Variants in GRAMD4 observed in about 807,000 individuals in gnomAD.
The protein encoded by GRAMD4 is GRAM domain-containing protein 4.
GRAMD4 carries 25 observed loss-of-function variants against 83.9 expected under a neutral mutation model. The observed-to-expected ratio is 0.30, with a 90% confidence interval of 0.22 to 0.42. The LOEUF is 0.42. GRAMD4 is among the 10% of genes least tolerant of loss of function. The probability of loss-of-function intolerance (pLI) is 1.00; values close to 1 mark genes in which losing one functional copy is unlikely to be tolerated. For missense variants in GRAMD4, 593 were observed against 788.7 expected, an observed-to-expected ratio of 0.75 and a Z score of 2.97; for synonymous variants, 336 against 320.9, an observed-to-expected ratio of 1.05 and a Z score of -0.50.
At chr22:46,586,518 C>T (rs2081151591) in intron 1 of GRAMD4, among the ~76,000 whole-genome samples, 1 of 152,140 alleles carries the variant, frequency 6.6e-6, no homozygotes, top group African/African-American at 2.4e-5. Flanking sequence ...ATTCCACCTG[C>T]TTCCTTAGAC....
intron 2 of GRAMD4, among the ~76,000 whole-genome samples, chr22:46,630,901 C>T (rs761989972): frequency 2.7e-4 from 24 of 89,726 alleles, no homozygotes; most frequent in Non-Finnish European, 5.2e-4. Flanking sequence ...CCGGCCTCCG[C>T]AGTGTGCCCT....
intron 2 of GRAMD4, among the ~76,000 whole-genome samples, chr22:46,632,486 C>T (rs561031141): frequency 1.2e-4 from 19 of 152,336 alleles, no homozygotes; most frequent in African/African-American, 3.1e-4. Context: ...ATAGTGACAG[C>T]GCCACAGCCT....
At chr22:46,623,233 T>C (rs1012398504) in intron 1 of GRAMD4, among the ~76,000 whole-genome samples, 1 of 152,192 alleles carries the variant, frequency 6.6e-6, no homozygotes, top group East Asian at 1.9e-4. Flanking sequence ...TCTTGATGGA[T>C]GGTGTGTGAC....
In GRAMD4 at chr22:46,620,628, C is replaced by A; in HGVS notation, c.-50+63C>A. On this transcript the variant is annotated intron_variant, in intron 1 of 18. Coordinates refer to ENST00000406902, the MANE Select transcript of GRAMD4 (RefSeq NM_015124.5). This position sits in a 1 kb window ranked among gnomAD's most constrained non-coding sequence, Gnocchi z 4.7. ...GGGCCCATCTGAGTGGAAGCCCCAG[C>A]CTTGGGAAAAGCTGCTACTCTCTGG... 3.2e-6 allele frequency: 2 copies of A among 623,524 alleles called. No homozygotes were observed. The highest frequency in any genetic ancestry group is 7.0e-5 in the South Asian group (1 of 14,328). 38.6% of individuals were successfully genotyped at this position (623,524 alleles called of 1,614,324 possible).
At chr22:46,607,205 A>AG (rs569194023) in intron 1 of GRAMD4, among the ~76,000 whole-genome samples, 79 of 108,988 alleles carry the variant, frequency 7.2e-4, no homozygotes, top group African/African-American at 2.1e-3. Context: ...GTCTTTAAAA[A>AG]GGGGGGGGTC....
chr22:46,668,790 T>A lies in GRAMD4; in HGVS notation c.975-9T>A. The A allele has an allele frequency of 7.3e-7, 1 of 1,371,634 alleles. No homozygotes were observed. The highest frequency in any genetic ancestry group is 2.0e-4 in the Middle Eastern group (1 of 4,972). The allele number at this position is 1,371,634 out of a possible 1,614,324, so 85.0% of individuals were successfully genotyped here. A position where few individuals can be genotyped will look rare whatever the true frequency, so the allele number is the denominator to read the frequency against. ...GCCCGCCCGGCCTGAGCCTCCCGTC[T>A]CCTTCCAGCTTGTTCATGTGGGTCC... On this transcript the variant is annotated splice_polypyrimidine_tract_variant and intron_variant, in intron 12 of 18. Coordinates refer to ENST00000406902, the MANE Select transcript of GRAMD4 (RefSeq NM_015124.5).
chr22:46,672,121 G>T lies in GRAMD4; in HGVS notation c.1085-722G>T, dbSNP rs922150193. Among the ~76,000 whole-genome samples the T allele has an allele frequency of 5.9e-5, 9 of 152,236 alleles. No homozygotes were observed. Among genetic ancestry groups the T allele is most frequent in the South Asian group, 2.1e-4 (1 of 4,830 alleles). On this transcript the variant is annotated intron_variant, in intron 13 of 18. Transcript: ENST00000406902. This position sits in a 1 kb window ranked among gnomAD's most constrained non-coding sequence, Gnocchi z 4.7. ...ACTCCTGACAGCTTTTGCTGCCCAG[G>T]GGGGTGCGTTAGCAGGTGTGTGGGG...
At chr22:46,670,949 A>G (rs1601680299) in intron 13 of GRAMD4, 1 of 275,276 alleles carries the variant, frequency 3.6e-6, no homozygotes, top group African/African-American at 2.2e-5. Context: ...GGTTCTCACA[A>G]CCACCCTGAG....
chr22:46,666,827 G>A lies in GRAMD4; in HGVS notation c.812G>A (p.Gly271Glu). The change falls in exon 10 of 19, where the codon GGG becomes GAG. Residue 271 changes from glycine to glutamate, a missense_variant and splice_region_variant. By Grantham distance (98) the Gly-to-Glu change is moderately conservative. This residue lies in a region of GRAMD4 where 36 missense variants were observed against 85.8 expected (regional missense o/e 0.42). Coordinates refer to ENST00000406902, the MANE Select transcript of GRAMD4 (RefSeq NM_015124.5). ...RLSLNYLIAR[G>E]WRIQWSIVPE... is the part of the protein sequence containing the mutation. ...TGTGTGTGTTTTCTGTTCGCCAGGG[G>A]GTGGCGGATACAGTGGAGCATCGTG... is the stretch of plus-strand genomic sequence containing the variant. 6.2e-7 allele frequency: 1 copy of A among 1,610,654 alleles called. No homozygotes were observed. Among genetic ancestry groups the A allele is most frequent in the Non-Finnish European group, 8.5e-7 (1 of 1,178,240 alleles).
intron 1 of GRAMD4, among the ~76,000 whole-genome samples, chr22:46,624,836 C>T (rs936575321): frequency 5.9e-5 from 9 of 151,828 alleles, no homozygotes; most frequent in South Asian, 2.1e-4. Flanking sequence ...GACAGCTCCC[C>T]GTAGAGCCTG....
At chr22:46,603,511 T>TGA (rs1477778960) in intron 1 of GRAMD4, among the ~76,000 whole-genome samples, 2 of 118,120 alleles carry the variant, frequency 1.7e-5, no homozygotes, top group African/African-American at 6.6e-5. Flanking sequence ...GCCCGGCCTC[T>TGA]TCTCTTTTTT....
At chr22:46,580,882 G>C (rs1287331601) in intron 1 of GRAMD4, among the ~76,000 whole-genome samples, 1 of 149,600 alleles carries the variant, frequency 6.7e-6, no homozygotes, top group Admixed American at 6.8e-5. Flanking sequence ...CAGGAGAATC[G>C]CTTGAACCCG....
Position 46,661,421 on chromosome 22 carries a change from G to A in GRAMD4, c.445G>A (p.Ala149Thr). ...QMAQQPPKGQ[A>T]QASNGAERRS... ...GGCTCAGCAGCCCCCAAAAGGGCAGGCCCAGGCCAGCAATGGAGCAGGTAC... is the reference window on the plus strand; with the variant it reads ...GGCTCAGCAGCCCCCAAAAGGGCAGACCCAGGCCAGCAATGGAGCAGGTAC... Residue 149 changes from alanine (A) to threonine (T), a missense_variant, in exon 5 of 19, where the codon GCC becomes ACC. Physicochemically the swap from Ala to Thr is moderately conservative, Grantham distance 58. Around this residue, in one of 4 missense-constraint regions of GRAMD4, gnomAD observed 312 missense variants for 350.7 expected, o/e 0.89. Coordinates refer to ENST00000406902, the MANE Select transcript of GRAMD4 (RefSeq NM_015124.5). 5 of 1,611,432 alleles carry A rather than the reference G, an allele frequency of 3.1e-6. No homozygotes were observed. The highest frequency in any genetic ancestry group is 1.3e-5 in the African/African-American group (1 of 75,034).
chr22:46,618,189 C>G, upstream of GRAMD4, among the ~76,000 whole-genome samples: 1 of 152,168 alleles, frequency 6.6e-6, no homozygotes. The surrounding 1 kb of genome is among the most constrained non-coding windows in gnomAD (Gnocchi z 5.8). Flanking sequence ...CAGAGGGAGA[C>G]TCGGGTGCCT....
chr22:46,666,667 G>A (rs1412402725), intron 9 of GRAMD4, among the ~76,000 whole-genome samples, 158 bp from the exon 10 acceptor site: 6 of 152,198 alleles, frequency 3.9e-5, no homozygotes, highest in Admixed American at 3.9e-4. Context: ...TCTCACAGCA[G>A]GGGGTTCCGG....
chr22:46,586,611 A>G (rs1349145526), intron 1 of GRAMD4, among the ~76,000 whole-genome samples: 1 of 152,194 alleles, frequency 6.6e-6, no homozygotes, highest in Non-Finnish European at 1.5e-5. Context: ...CAGGGGGCAG[A>G]CGAAGGAGCC....
At chr22:46,604,356 C>T (rs186845930) in intron 1 of GRAMD4, among the ~76,000 whole-genome samples, 21 of 152,264 alleles carry the variant, frequency 1.4e-4, no homozygotes, top group African/African-American at 4.6e-4. Flanking sequence ...AAGGGAGGAT[C>T]GGTTTTCTCT....
At chr22:46,610,682 A>C (rs2081408478) in intron 1 of GRAMD4, among the ~76,000 whole-genome samples, 1 of 152,242 alleles carries the variant, frequency 6.6e-6, no homozygotes, top group African/African-American at 2.4e-5. Flanking sequence ...GCAGGAAGAC[A>C]TGGCGAATCT....
intron 9 of GRAMD4, among the ~76,000 whole-genome samples, chr22:46,666,190 T>TTATG (rs1244684367): frequency 6.6e-6 from 1 of 152,146 alleles, no homozygotes; most frequent in Non-Finnish European, 1.5e-5. Context: ...GTGTCACCCC[T>TTATG]TATGCCCCCT....
Sources: gnomAD v4.1 joint callset for allele counts (sites outside exome capture counted in the v4.1 genomes callset) on GRCh38, gnomAD v4.1.1 for gene constraint, gnomAD v4.1.1 regional missense constraint, Gnocchi (gnomAD v3.1) non-coding constraint, MANE v1.5 for transcripts, NCBI Gene and HGNC (gene_info 2026-07-23, HGNC 2026-07-21) for gene names.